The following SSBP2 variants were observed in gnomAD, a reference collection of about 807,000 sequenced individuals.
SSBP2 encodes the protein single stranded DNA binding protein 2.
A neutral mutation model predicts 61.8 loss-of-function variants in SSBP2; 17 were observed. The ratio of observed to expected loss-of-function variants is 0.28; its 90% CI spans 0.19 to 0.41. The LOEUF (loss-of-function observed/expected upper bound fraction) is 0.41. Among genes scored for constraint, SSBP2 ranks in the 10% least tolerant of loss-of-function variants. The pLI is 1.00. For synonymous variants in SSBP2, 139 were observed against 141.3 expected (o/e 0.98, Z 0.12); for missense variants, 310 against 458.7 (o/e 0.68, Z 2.96).
chr5:81,705,711 G>GA (rs1227949170), intron 1 of SSBP2, among the ~76,000 whole-genome samples: 3 of 151,938 alleles, frequency 2.0e-5, no homozygotes, highest in Non-Finnish European at 2.9e-5. Flanking sequence ...CAAACTCTAG[G>GA]AAAAATCTAA....
chr5:81,489,869 C>T (rs1252212454), intron 5 of SSBP2, among the ~76,000 whole-genome samples: 1 of 152,002 alleles, frequency 6.6e-6, no homozygotes, highest in Non-Finnish European at 1.5e-5. Context: ...TCAAAACGGA[C>T]TCTGTGGGTG....
chr5:81,578,846 G>A (rs963024218), intron 4 of SSBP2, among the ~76,000 whole-genome samples: 5 of 151,526 alleles, frequency 3.3e-5, no homozygotes, highest in Non-Finnish European at 7.4e-5. Flanking sequence ...TATTTTGTAC[G>A]ATGGGAAAAT....
intron 4 of SSBP2, among the ~76,000 whole-genome samples, chr5:81,535,705 T>C (rs1169343809): frequency 2.6e-5 from 4 of 151,904 alleles, no homozygotes; most frequent in Non-Finnish European, 5.9e-5. Context: ...GATATCCACA[T>C]GCAAAAAGAG....
At chr5:81,711,667 T>G (rs1754784671) in intron 1 of SSBP2, among the ~76,000 whole-genome samples, 1 of 151,364 alleles carries the variant, frequency 6.6e-6, no homozygotes, top group Middle Eastern at 3.4e-3. Flanking sequence ...TAAATTGTAG[T>G]AGACAAAATT....
intron 1 of SSBP2, among the ~76,000 whole-genome samples, chr5:81,705,631 G>A (rs1163074856): frequency 6.6e-6 from 1 of 152,092 alleles, no homozygotes; most frequent in African/African-American, 2.4e-5. Flanking sequence ...CCTTTCTCTT[G>A]TATTTCAGAA....
intron 1 of SSBP2, among the ~76,000 whole-genome samples, chr5:81,668,683 A>G (rs969748035): frequency 6.6e-6 from 1 of 152,160 alleles, no homozygotes; most frequent in Admixed American, 6.6e-5. Context: ...AATAAAGCAT[A>G]AAGTTTACTA....
chr5:81,521,201 G>GA (rs1769455251), intron 4 of SSBP2, among the ~76,000 whole-genome samples: 1 of 151,922 alleles, frequency 6.6e-6, no homozygotes, highest in African/African-American at 2.4e-5. Context: ...TATGAAAAAT[G>GA]AAGAAGCTAG....
At chr5:81,571,630 CTAAAG>C (rs1206565121) in intron 4 of SSBP2, among the ~76,000 whole-genome samples, 1 of 152,018 alleles carries the variant, frequency 6.6e-6, no homozygotes, top group African/African-American at 2.4e-5. Context: ...ATGTAACTGG[CTAAAG>C]TAGATTATAA....
chr5:81,461,179 A>G, intron 9 of SSBP2, 76 bp from the exon 10 acceptor site: 1 of 1,186,132 alleles, frequency 8.4e-7, no homozygotes. Flanking sequence ...AAATCATAAA[A>G]TATAACATTT....
intron 12 of SSBP2, among the ~76,000 whole-genome samples, chr5:81,446,620 G>T (rs1279988884): frequency 6.6e-6 from 1 of 152,010 alleles, no homozygotes; most frequent in Non-Finnish European, 1.5e-5. Flanking sequence ...ACACATTTTT[G>T]GGCAATTCAT....
chr5:81,740,902 C>A (rs147011888), intron 1 of SSBP2, among the ~76,000 whole-genome samples: 78 of 152,280 alleles, frequency 5.1e-4, no homozygotes, highest in Non-Finnish European at 9.3e-4. Context: ...AATGCTTCTA[C>A]TCTTCCCTTA....
intron 10 of SSBP2, among the ~76,000 whole-genome samples, chr5:81,453,434 A>G (rs1472863952): frequency 6.6e-6 from 1 of 151,712 alleles, no homozygotes; most frequent in African/African-American, 2.4e-5. Flanking sequence ...AGTGATTAGG[A>G]AATATCTAAA....
chr5:81,682,503 C>T (rs1375908438), intron 1 of SSBP2, among the ~76,000 whole-genome samples: 3 of 152,078 alleles, frequency 2.0e-5, no homozygotes, highest in Non-Finnish European at 4.4e-5. Flanking sequence ...CTCTGAGTAA[C>T]CTAGAAATAG....
At chr5:81,563,420 A>C (rs1773196715) in intron 4 of SSBP2, among the ~76,000 whole-genome samples, 1 of 152,194 alleles carries the variant, frequency 6.6e-6, no homozygotes, top group South Asian at 2.1e-4. Context: ...AATACATAGG[A>C]AAAAATATCT....
intron 1 of SSBP2, chr5:81,710,692 G>A (rs372974611): frequency 8.8e-5 from 40 of 454,204 alleles, no homozygotes; most frequent in East Asian, 2.8e-4. Context: ...AATATAATAC[G>A]AATGAATACA....
chr5:81,684,287 A>G (rs1752610036), intron 1 of SSBP2, among the ~76,000 whole-genome samples: 1 of 152,206 alleles, frequency 6.6e-6, no homozygotes, highest in South Asian at 2.1e-4. Context: ...TGAGTTGGTC[A>G]TGTAAAGACA....
intron 3 of SSBP2, among the ~76,000 whole-genome samples, chr5:81,626,037 G>C (rs1364339647): frequency 6.6e-6 from 1 of 152,196 alleles, no homozygotes; most frequent in African/African-American, 2.4e-5. Flanking sequence ...GTTAGTTACT[G>C]ACAATCTCTG....
intron 6 of SSBP2, among the ~76,000 whole-genome samples, chr5:81,488,010 AATAT>A (rs59039206): frequency 0.018 from 683 of 38,390 alleles, 11 homozygotes; most frequent in Admixed American, 0.035. Context: ...ATGGCCAAAT[AATAT>A]ATATATATAT....
chr5:81,743,775 T>C (rs1490888074), intron 1 of SSBP2, among the ~76,000 whole-genome samples: 4 of 152,186 alleles, frequency 2.6e-5, no homozygotes, highest in African/African-American at 9.7e-5. Flanking sequence ...AAAAACCCTG[T>C]CCTTCCTCCT....
Sources: allele counts gnomAD v4.1 joint callset (sites outside exome capture counted in the v4.1 genomes callset), GRCh38; gene constraint gnomAD v4.1.1; transcripts MANE v1.5; gene names NCBI Gene and HGNC (gene_info 2026-07-23, HGNC 2026-07-21).